ADAMTS7: variants seen among roughly 807,000 people sequenced by gnomAD.
ADAMTS7 encodes the protein ADAM metallopeptidase with thrombospondin type 1 motif 7, also known as A disintegrin and metalloproteinase with thrombospondin motifs 7.
In ADAMTS7, 89 loss-of-function variants were observed where a neutral mutation model predicts 172.6. The ratio of observed to expected loss-of-function variants is 0.52; its 90% CI spans 0.43 to 0.61. ADAMTS7 has a LOEUF of 0.61. Among genes scored for constraint, ADAMTS7 ranks in the 20% least tolerant of loss-of-function variants. ADAMTS7 has a pLI of 0.00. For synonymous variants in ADAMTS7, 885 were observed against 978.4 expected (o/e 0.90, Z 1.78); for missense variants, 1,973 against 2,355.6 (o/e 0.84, Z 3.36).
chr15:78,805,317 G>A (rs1205044087), intron 1 of ADAMTS7, among the ~76,000 whole-genome samples: 6 of 152,308 alleles, frequency 3.9e-5, no homozygotes, highest in East Asian at 1.9e-4. Flanking sequence ...ATTGAAAAAC[G>A]TTTTAGTCAA....
At chr15:78,772,914 G>A (rs572520311) in intron 14 of ADAMTS7, among the ~76,000 whole-genome samples, 169 bp downstream of exon 14, 2 of 152,344 alleles carry the variant, frequency 1.3e-5, no homozygotes, top group East Asian at 3.9e-4. Context: ...CTGCACATGG[G>A]CCAGGGGTCC....
chr15:78,777,055 G>T, intron 9 of ADAMTS7: 1 of 579,294 alleles, frequency 1.7e-6, no homozygotes, highest in Non-Finnish European at 3.1e-6. Context: ...GCTCAGAGCG[G>T]TCCCCAGCTG....
In ADAMTS7 at chr15:78,764,711, CG is replaced by C; in HGVS notation, c.4267-5del. 6.6e-7 allele frequency: 1 copy of C among 1,506,718 alleles called. No homozygotes were observed. Among genetic ancestry groups the C allele is most frequent in the South Asian group, 1.3e-5 (1 of 77,458 alleles). 93.3% of individuals were successfully genotyped at this position (1,506,718 alleles called of 1,614,324 possible). ...CCAGGCCACAGGTGGTAGAGCACTG[CG>C]GGGCAGAGACCCGTGAAAGCCAGGC... On this transcript the variant is annotated splice_region_variant and splice_polypyrimidine_tract_variant and intron_variant, in intron 19 of 23. Coordinates refer to ENST00000388820, the MANE Select transcript of ADAMTS7 (RefSeq NM_014272.5).
At chr15:78,807,873 CT>C (rs11344703) in intron 1 of ADAMTS7, among the ~76,000 whole-genome samples, 48,580 of 147,880 alleles carry the variant, frequency 0.33, 9,033 homozygotes, top group Middle Eastern at 0.44. Flanking sequence ...TTATTTATTT[CT>C]TTTTTTTTTT....
chr15:78,770,056 G>A (rs1459414511), intron 16 of ADAMTS7, among the ~76,000 whole-genome samples: 3 of 152,060 alleles, frequency 2.0e-5, no homozygotes. Context: ...CCAGCTACTC[G>A]GGAGGCTGAG....
rs139533770 is a variant in ADAMTS7 at position 78,776,223 on chromosome 15, G to T, written c.1671C>A (p.Gly557=). The part of the protein sequence containing the change: ...WSICSRSCGM[G]VQSAERQCTQ... Reference sequence around the variant, plus strand: ...TGCACTGCCGCTCGGCGCTCTGTACGCCCATGCCACAGCTCCGTGAGCAGA... The same window carrying T: ...TGCACTGCCGCTCGGCGCTCTGTACTCCCATGCCACAGCTCCGTGAGCAGA... Residue 557 remains glycine, a synonymous_variant, in exon 11 of 24, where the codon GGC becomes GGA. Coordinates refer to ENST00000388820, the MANE Select transcript of ADAMTS7 (RefSeq NM_014272.5). 1,109 of 1,611,468 alleles carry T rather than the reference G, an allele frequency of 6.9e-4. 5 individuals are homozygous for T. The African/African-American group carries it at 0.013, about 19-fold the overall frequency.
chr15:78,762,169 C>T, intron 23 of ADAMTS7: 3 of 840,160 alleles, frequency 3.6e-6, no homozygotes, highest in Non-Finnish European at 4.3e-6. Flanking sequence ...GGTCAGACAG[C>T]TGCCTATGGG....
At position 78,771,571 on chromosome 15, in the gene ADAMTS7, C is replaced by G; in HGVS notation, c.2376+14G>C. 6.3e-7 allele frequency: 1 copy of G among 1,589,368 alleles called. No individual in the cohort carries two copies. The highest frequency in any genetic ancestry group is 1.1e-5 in the South Asian group (1 of 89,122). On this transcript the variant is annotated intron_variant, in intron 15 of 23. Coordinates refer to ENST00000388820, the MANE Select transcript of ADAMTS7 (RefSeq NM_014272.5). The surrounding 1 kb of genome is among the most constrained non-coding windows in gnomAD (Gnocchi z 4.9). ...GCCTCTGCTCCCCCCGCCTGGGCCA[C>G]GGGAGGCAGGCACCTGGATCCAGAC...
In ADAMTS7 at chr15:78,785,348, G is replaced by A. The variant is rs1342139750; in HGVS notation, c.1322+2883C>T. 2.0e-5 allele frequency among the ~76,000 whole-genome samples: 3 copies of A among 151,974 alleles called. No individual in the cohort carries two copies. The East Asian group carries it at 5.8e-4, about 29-fold the overall frequency. ...GTGAATCACTTGAGGTCAGGAGTTC[G>A]AGACCAGCCTGGCCAACATGGAAAC... On this transcript the variant is annotated intron_variant, in intron 8 of 23. Coordinates refer to ENST00000388820, the MANE Select transcript of ADAMTS7 (RefSeq NM_014272.5).
chr15:78,780,755 C>A (rs1471938156), intron 8 of ADAMTS7, among the ~76,000 whole-genome samples: 1 of 152,262 alleles, frequency 6.6e-6, no homozygotes, highest in Non-Finnish European at 1.5e-5. Flanking sequence ...GCCTGCCCTC[C>A]ACTTACAGCA....
At position 78,764,590 on chromosome 15, in the gene ADAMTS7, G is replaced by A; in HGVS notation, c.4384C>T (p.Pro1462Ser). 2 of 1,559,374 alleles carry A rather than the reference G, an allele frequency of 1.3e-6. No homozygotes were observed. The highest frequency in any genetic ancestry group is 1.7e-6 in the Non-Finnish European group (2 of 1,160,636). ...PQPARRCHLR[P>S]CATWHSGNWS... ...TTGCCTGAGTGCCAGGTGGCACAGG[G>A]CCGCAGGTGGCAGCGGCGGGCAGGC... The change falls in exon 20 of 24, where the codon CCC (proline) becomes TCC (serine). Residue 1462 changes from proline to serine, a missense_variant. This residue lies in a region of ADAMTS7 where 218 missense variants were observed against 216.9 expected (regional missense o/e 1.01). Transcript: ENST00000388820.
chr15:78,776,658 G>T lies in ADAMTS7; in HGVS notation c.1560+91C>A, dbSNP rs575966129. 9 of 1,304,054 alleles carry T rather than the reference G, an allele frequency of 6.9e-6. No individual in the cohort carries two copies. In the East Asian group the frequency reaches 2.0e-4, roughly 30 times the overall value. 80.8% of individuals were successfully genotyped at this position (1,304,054 alleles called of 1,614,324 possible). On this transcript the variant is annotated intron_variant, in intron 10 of 23. Coordinates refer to ENST00000388820, the MANE Select transcript of ADAMTS7 (RefSeq NM_014272.5). ...GGGGCTCTGCTAGGAGCACAAGCAA[G>T]ACTGTGAGCCGGGGCTGACCCCAGG... is the stretch of plus-strand genomic sequence containing the variant.
chr15:78,760,010 C>A (rs1418081564), intron 23 of ADAMTS7, among the ~76,000 whole-genome samples: 2 of 152,164 alleles, frequency 1.3e-5, no homozygotes, highest in African/African-American at 2.4e-5. Flanking sequence ...CCACCGCCCC[C>A]TGCCCCAGTG....
chr15:78,788,471 C>G, intron 7 of ADAMTS7, 97 bp from the exon 8 acceptor site: 1 of 1,465,224 alleles, frequency 6.8e-7, no homozygotes, highest in Non-Finnish European at 9.2e-7. Flanking sequence ...TCCTAGTTCC[C>G]AGGGCTGGTT....
At chr15:78,770,850 G>A (rs1163617579) in intron 16 of ADAMTS7, 3 of 350,578 alleles carry the variant, frequency 8.6e-6, no homozygotes, top group South Asian at 6.1e-5. Context: ...AGGGAAATAA[G>A]TCAGTGTGGT....
rs1193039767 is a variant in ADAMTS7 at position 78,771,256 on chromosome 15, G to GA, written c.2423dup (p.His809ProfsTer54). On this transcript the variant is annotated frameshift_variant, in exon 16 of 24. Transcript: ENST00000388820. LOFTEE classifies it high-confidence loss of function. This position sits in a 1 kb window ranked among gnomAD's most constrained non-coding sequence, Gnocchi z 4.9. ...CGTCGTGGCCACCTGCCTCCCTGTGGATGGTGTACTCGTAGTGCACCCCAG... is the reference window on the plus strand; with the variant it reads ...CGTCGTGGCCACCTGCCTCCCTGTGGAATGGTGTACTCGTAGTGCACCCCAG... The GA allele has an allele frequency of 6.2e-7, 1 of 1,612,504 alleles. No individual in the cohort carries two copies. The highest frequency in any genetic ancestry group is 2.2e-5 in the East Asian group (1 of 44,890).
rs747956515 is a variant in ADAMTS7, at chr15:78,777,947, G to GA, written c.1323-360dup. ...CCTCCGTGTCTGAGCCCAGACCCTG[G>GA]AGCCAGGCCCGACAAGGATCCGGAG... On this transcript the variant is annotated intron_variant, in intron 8 of 23. Transcript: ENST00000388820. 5.9e-5 allele frequency among the ~76,000 whole-genome samples: 9 copies of GA among 152,254 alleles called. 1 individual carries two copies. The East Asian group carries it at 9.7e-4, about 16-fold the overall frequency.
chr15:78,776,140 G>T, intron 11 of ADAMTS7, 48 bp downstream of exon 11: 2 of 1,563,280 alleles, frequency 1.3e-6, no homozygotes, highest in Non-Finnish European at 8.7e-7. Context: ...CTGACTGTTT[G>T]GGTCCCTCTG....
chr15:78,779,160 C>A (rs1470053833), intron 8 of ADAMTS7, among the ~76,000 whole-genome samples: 1 of 152,188 alleles, frequency 6.6e-6, no homozygotes, highest in Admixed American at 6.5e-5. Flanking sequence ...CCTGGAATCA[C>A]TCAGACTGCC....
Sources: allele counts gnomAD v4.1 joint callset (sites outside exome capture counted in the v4.1 genomes callset), GRCh38; gene constraint gnomAD v4.1.1; regional missense constraint gnomAD v4.1.1; non-coding constraint Gnocchi (gnomAD v3.1); transcripts MANE v1.5; gene names NCBI Gene and HGNC (gene_info 2026-07-23, HGNC 2026-07-21).